The following KRT38 variants were observed in gnomAD, a reference collection of about 807,000 sequenced individuals.
KRT38 encodes keratin, type I cuticular Ha8.
A neutral mutation model predicts 43.1 loss-of-function variants in KRT38; 45 were observed. The observed-to-expected ratio is 1.04, with a 90% CI of 0.82 to 1.34. The LOEUF (loss-of-function observed/expected upper bound fraction) is 1.34. KRT38 is among the 40% of genes most tolerant of loss of function. KRT38 has a pLI of 0.00. For synonymous variants in KRT38, 258 were observed against 244.0 expected (o/e 1.06, Z -0.53); for missense variants, 627 against 586.2 (o/e 1.07, Z -0.72).
In KRT38 at chr17:41,440,789, G is replaced by T; in HGVS notation, c.133C>A (p.Leu45Ile). The T allele has an allele frequency of 6.2e-7, 1 of 1,612,866 alleles. No homozygotes were observed. The highest frequency in any genetic ancestry group is 8.5e-7 in the Non-Finnish European group (1 of 1,179,248). ...TTGGCATGTGCCACGTTGGCCAAAA[G>T]GCACATGGGGGCAATGTTGGCCTCT... Reference protein sequence around the residue: ...GAEANIAPMCLLANVAHANRV... With the variant: ...GAEANIAPMCILANVAHANRV... Residue 45 changes from leucine to isoleucine, a missense_variant, in exon 1 of 7, where the codon CTT becomes ATT. Transcript: ENST00000246646.
Position 41,437,321 on chromosome 17 carries a change from G to T in KRT38, c.*91C>A. On this transcript the variant is annotated 3_prime_UTR_variant, in exon 7 of 7. Coordinates refer to ENST00000246646, the MANE Select transcript of KRT38 (RefSeq NM_006771.4). ...GCCTTTGGACAGGCCTATACATACA[G>T]AAAGTTAGAAGCCAGATTTTCTAAA... is the stretch of plus-strand genomic sequence containing the variant. 7.3e-7 allele frequency: 1 copy of T among 1,370,588 alleles called. No homozygotes were observed. Among genetic ancestry groups the T allele is most frequent in the Non-Finnish European group, 9.6e-7 (1 of 1,046,966 alleles). The allele number at this position is 1,370,588 out of a possible 1,614,324, so 84.9% of individuals were successfully genotyped here. A position where few individuals can be genotyped will look rare whatever the true frequency, so the allele number is the denominator to read the frequency against.
chr17:41,438,029 G>T (rs1265198896), intron 6 of KRT38, 64 bp downstream of exon 6: 6 of 1,524,480 alleles, frequency 3.9e-6, no homozygotes, highest in African/African-American at 2.7e-5. Flanking sequence ...CCCTTCTGCT[G>T]CCCTGAGGAC....
rs758616083 is a variant in KRT38 at position 41,438,085 on chromosome 17, A to C, written c.1241+8T>G. The C allele has an allele frequency of 6.2e-7, 1 of 1,613,660 alleles. No individual in the cohort carries two copies. ...AATTTGGCCAGGAATTGCCCAGATC[A>C]CACGTACTTGCAGTCCTCGCTTTCC... On this transcript the variant is annotated splice_region_variant and intron_variant, in intron 6 of 6. Transcript: ENST00000246646.
chr17:41,440,632 T>C lies in KRT38; in HGVS notation c.290A>G (p.Glu97Gly), dbSNP rs2018786759. Residue 97 changes from glutamate to glycine, a missense_variant, in exon 1 of 7, where the codon GAA becomes GGA. Transcript: ENST00000246646. ...GNIGICGAYG[E>G]NTLNGHEKET... ...CTTCTCATGGCCATTCAGGGTGTTT[T>C]CACCATAGGCCCCACAGATTCCAAT... is the stretch of plus-strand genomic sequence containing the variant. 2 of 1,614,212 alleles carry C rather than the reference T, an allele frequency of 1.2e-6. No individual in the cohort carries two copies. The highest frequency in any genetic ancestry group is 2.2e-5 in the East Asian group (1 of 44,878).
intron 6 of KRT38, 56 bp downstream of exon 6, chr17:41,438,037 G>GACC (rs2018748964): frequency 3.9e-6 from 6 of 1,551,548 alleles, no homozygotes; most frequent in Non-Finnish European, 4.4e-6. Context: ...CTGCCCTGAG[G>GACC]ACCTCATCAG....
Position 41,437,386 on chromosome 17 carries a change from G to C in KRT38, c.*26C>G, listed in dbSNP as rs117706286. 3,421 of 1,520,720 alleles carry C rather than the reference G, an allele frequency of 2.2e-3. 9 individuals carry two copies. The highest frequency in any genetic ancestry group is 2.7e-3 in the South Asian group (207 of 77,716). 94.2% of individuals were successfully genotyped at this position (1,520,720 alleles called of 1,614,324 possible). On this transcript the variant is annotated 3_prime_UTR_variant, in exon 7 of 7. Transcript: ENST00000246646. Reference sequence around the variant, plus strand: ...CTCTCTTTGGGTATCCCTCGCCTTAGCCAGCCCCTGTGGGTCCACAGGAAT... The same window carrying C: ...CTCTCTTTGGGTATCCCTCGCCTTACCCAGCCCCTGTGGGTCCACAGGAAT...
chr17:41,440,838 G>A lies in KRT38; in HGVS notation c.84C>T (p.Ile28=), dbSNP rs372937236. The A allele has an allele frequency of 2.2e-4, 351 of 1,600,422 alleles. No homozygotes were observed. The highest frequency in any genetic ancestry group is 2.7e-4 in the Non-Finnish European group (318 of 1,173,378). Residue 28 remains isoleucine, a synonymous_variant, in exon 1 of 7, where the codon ATC becomes ATT. Transcript: ENST00000246646. The stretch of plus-strand genomic sequence containing the variant: ...CTGCCCCAGGCTGGCACCCAATGTC[G>A]ATGGGAGAGACAGAGACATTTCTTG... ...PGARNVSVSP[I]DIGCQPGAEA...
At position 41,437,476 on chromosome 17, in the gene KRT38, C is replaced by G. The variant is rs1485897700; in HGVS notation, c.1307G>C (p.Ser436Thr). ...CCCACAGGTGGTGCAGGGGCCACAG[C>G]TTGGGCGAGGAGCACAGGGGGCAGT... ...CVTAPCAPRP[S>T]CGPCTTCGPT... Residue 436 changes from serine to threonine, a missense_variant, in exon 7 of 7, where the codon AGC becomes ACC. By Grantham distance (58) the Ser-to-Thr change is moderately conservative. Transcript: ENST00000246646. 2.6e-6 allele frequency: 4 copies of G among 1,556,488 alleles called. No homozygotes were observed. The highest frequency in any genetic ancestry group is 1.4e-5 in the African/African-American group (1 of 70,342).
In KRT38 at chr17:41,440,637, A is replaced by C; in HGVS notation, c.285T>G (p.Tyr95Ter). 1 of 1,614,188 alleles carries C rather than the reference A, an allele frequency of 6.2e-7. No homozygotes were observed. The highest frequency in any genetic ancestry group is 8.5e-7 in the Non-Finnish European group (1 of 1,180,030). The change falls in exon 1 of 7, where the codon TAT becomes TAG. Residue 95 changes from tyrosine (Y) to a stop codon, truncating the protein, a stop_gained. Transcript: ENST00000246646. LOFTEE classifies it high-confidence loss of function. ...CATGGCCATTCAGGGTGTTTTCACC[A>C]TAGGCCCCACAGATTCCAATGTTGC... ...IPGNIGICGA[Y>*]GENTLNGHEK...
rs2018760344 is a variant in KRT38, at chr17:41,438,726, G to A, written c.865C>T (p.Gln289Ter). Residue 289 changes from glutamine to a stop codon, truncating the protein, a stop_gained, in exon 4 of 7, where the codon CAG (glutamine) becomes TAG (stop). Coordinates refer to ENST00000246646, the MANE Select transcript of KRT38 (RefSeq NM_006771.4). LOFTEE classifies it high-confidence loss of function. ...QYEAMLETNRQDVEQWFQAQS... is the reference protein window; with the variant it reads ...QYEAMLETNR Reference sequence around the variant, plus strand: ...GCTTGGAACCACTGTTCCACATCCTGGCGGTTGGTCTCCAACATGGCCTCA... The same window carrying A: ...GCTTGGAACCACTGTTCCACATCCTAGCGGTTGGTCTCCAACATGGCCTCA... 12 of 1,613,896 alleles carry A rather than the reference G, an allele frequency of 7.4e-6. No homozygotes were observed. The highest frequency in any genetic ancestry group is 1.0e-5 in the Non-Finnish European group (12 of 1,179,962).
rs1236972265 is a variant in KRT38, at chr17:41,439,309, C to T, written c.626G>A (p.Gly209Glu). Residue 209 changes from glycine (G) to glutamate (E), a missense_variant, in exon 3 of 7, where the codon GGG becomes GAG. Gly to Glu is a moderately conservative substitution (Grantham distance 98). Coordinates refer to ENST00000246646, the MANE Select transcript of KRT38 (RefSeq NM_006771.4). ...CGCATCATCCAGGAGCTTCTGTGTC[C>T]CACACTTGTCTGCCTCCACCAGCTG... ...LRQLVEADKCGTQKLLDDATL... is the reference protein window; with the variant it reads ...LRQLVEADKCETQKLLDDATL... 3 of 1,614,052 alleles carry T rather than the reference C, an allele frequency of 1.9e-6. No individual in the cohort carries two copies. The East Asian group carries it at 6.7e-5, about 36-fold the overall frequency.
rs372840484 is a variant in KRT38 at position 41,438,229 on chromosome 17, C to A, written c.1105G>T (p.Val369Leu). ...CGGATCTCAGACAGCTGCTCCTCCA[C>A]GTTGCTGATGAGGCTCTGCATCTGG... ...LAQMQSLISN[V>L]EEQLSEIRAD... is the part of the protein sequence containing the mutation. The change falls in exon 6 of 7, where the codon GTG becomes TTG. Residue 369 changes from valine to leucine, a missense_variant. Coordinates refer to ENST00000246646, the MANE Select transcript of KRT38 (RefSeq NM_006771.4). 1 of 1,614,162 alleles carries A rather than the reference C, an allele frequency of 6.2e-7. No individual in the cohort carries two copies.
intron 1 of KRT38, 61 bp from the exon 2 acceptor site, chr17:41,440,304 G>C: frequency 6.2e-7 from 1 of 1,605,544 alleles, no homozygotes; most frequent in Non-Finnish European, 8.5e-7. Context: ...CCTTCTCCAC[G>C]TGTGGTGTCT....
intron 1 of KRT38, 24 bp from the exon 2 acceptor site, chr17:41,440,267 C>G: frequency 6.2e-7 from 1 of 1,613,094 alleles, no homozygotes; most frequent in African/African-American, 1.3e-5. Flanking sequence ...GAAGACAGTT[C>G]ACACACAAAG....
chr17:41,440,406 C>T (rs1351877179), intron 1 of KRT38, 24 bp downstream of exon 1: 1 of 1,609,054 alleles, frequency 6.2e-7, no homozygotes, highest in Non-Finnish European at 8.5e-7. Context: ...AGACCCAGCA[C>T]ACCCAAGCGA....
chr17:41,438,638 T>A, intron 4 of KRT38, 22 bp from the exon 5 acceptor site: 1 of 1,613,644 alleles, frequency 6.2e-7, no homozygotes, highest in South Asian at 1.1e-5. Context: ...AGAGACACGG[T>A]CACCTCCCTG....
rs760372143 is a variant in KRT38, at chr17:41,440,527, A to G, written c.395T>C (p.Leu132Pro). Residue 132 changes from leucine to proline, a missense_variant, in exon 1 of 7, where the codon CTG (leucine) becomes CCG (proline). Transcript: ENST00000246646. ...GCTCCTCTCGAGGAGTGTGGCCTCC[A>G]GCTCCGCATTCTCCTGCTCCAGCTG... ...VRQLEQENAE[L>P]EATLLERSKC... 4.3e-6 allele frequency: 7 copies of G among 1,614,102 alleles called. No individual in the cohort carries two copies. Among genetic ancestry groups the G allele is most frequent in the Non-Finnish European group, 5.1e-6 (6 of 1,180,052 alleles).
intron 3 of KRT38, 140 bp from the exon 4 acceptor site, chr17:41,438,998 G>A: frequency 7.8e-7 from 1 of 1,281,904 alleles, no homozygotes; most frequent in African/African-American, 1.5e-5. Context: ...TGCCCAGAGG[G>A]CATTCGGGAG....
At chr17:41,439,714 C>A (rs1400729045) in intron 2 of KRT38, among the ~76,000 whole-genome samples, 1 of 152,188 alleles carries the variant, frequency 6.6e-6, no homozygotes, top group Non-Finnish European at 1.5e-5. Context: ...GGTGCCTGAT[C>A]GTGATCTGCG....
Sources: allele counts gnomAD v4.1 joint callset (sites outside exome capture counted in the v4.1 genomes callset), GRCh38; gene constraint gnomAD v4.1.1; transcripts MANE v1.5; gene names NCBI Gene and HGNC (gene_info 2026-07-23, HGNC 2026-07-21).